CFHR4: variants seen among roughly 807,000 people sequenced by gnomAD.
CFHR4 encodes the protein complement factor H-related protein 4.
Under a neutral mutation model 69.3 loss-of-function variants are expected in CFHR4, and 64 were observed. The observed-to-expected ratio is 0.92, with a 90% CI of 0.76 to 1.14. The LOEUF (loss-of-function observed/expected upper bound fraction) is 1.14. Ranked by LOEUF, CFHR4 falls within the 50% of genes most tolerant of loss-of-function variation. The probability of loss-of-function intolerance (pLI) is 0.00; values close to 1 mark genes in which losing one functional copy is unlikely to be tolerated. For synonymous variants in CFHR4, 244 were observed against 237.0 expected, an observed-to-expected ratio of 1.03 and a Z score of -0.27; for missense variants, 636 against 684.9, an observed-to-expected ratio of 0.93 and a Z score of 0.80.
At position 196,910,335 on chromosome 1, in the gene CFHR4, A is replaced by T; in HGVS notation, c.854A>T (p.Asn285Ile). ...CAACATGGACATCTATATTATGAGA[A>T]TACGCGTAGACCATACTTTCCAGTA... ...EIQHGHLYYE[N>I]TRRPYFPVAT... Residue 285 changes from asparagine (N) to isoleucine (I), a missense_variant, in exon 6 of 10, where the codon AAT becomes ATT. Asn to Ile is a moderately radical substitution (Grantham distance 149). Around this residue, in one of 3 missense-constraint regions of CFHR4, gnomAD observed 529 missense variants for 533.2 expected, o/e 0.99. Transcript: ENST00000608469. 1 of 1,611,298 alleles carries T rather than the reference A, an allele frequency of 6.2e-7. No homozygotes were observed. The highest frequency in any genetic ancestry group is 1.1e-5 in the South Asian group (1 of 90,818).
chr1:196,897,375 C>T (rs1657358317), intron 1 of CFHR4, among the ~76,000 whole-genome samples: 1 of 151,542 alleles, frequency 6.6e-6, no homozygotes, highest in Non-Finnish European at 1.5e-5. Context: ...GATTTGCTGT[C>T]TGCAGACGGC....
In CFHR4 at chr1:196,910,445, C is replaced by G. The variant is rs751607261; in HGVS notation, c.964C>G (p.Gln322Glu). The change falls in exon 6 of 10, where the codon CAA (glutamine) becomes GAA (glutamate). Residue 322 changes from glutamine to glutamate, a missense_variant. Coordinates refer to ENST00000608469, the MANE Select transcript of CFHR4 (RefSeq NM_001201550.3). ...TTACTGGGATTACATTCACTGCACA[C>G]AAGATGGGTGGTTGCCAACAGTCCC... Reference protein sequence around the residue: ...GSYWDYIHCTQDGWLPTVPCL... With the variant: ...GSYWDYIHCTEDGWLPTVPCL... 1.2e-6 allele frequency: 2 copies of G among 1,612,778 alleles called. No individual in the cohort carries two copies. Among genetic ancestry groups the G allele is most frequent in the South Asian group, 1.1e-5 (1 of 91,042 alleles).
In CFHR4 at chr1:196,899,233, A is replaced by G. The variant is rs114475757; in HGVS notation, c.59-3185A>G. ...TACAAACATATTCTTTTTTTTTTCT[A>G]TCTTGCAGTGCATTGTAAAGGTGAA... On this transcript the variant is annotated intron_variant, in intron 1 of 9. Coordinates refer to ENST00000608469, the MANE Select transcript of CFHR4 (RefSeq NM_001201550.3). 9.2e-3 allele frequency among the ~76,000 whole-genome samples: 1,364 copies of G among 148,562 alleles called. 68 individuals carry two copies. Among genetic ancestry groups the G allele is most frequent in the African/African-American group, 0.032 (1,298 of 40,104 alleles).
intron 3 of CFHR4, 111 bp downstream of exon 3, chr1:196,905,401 A>G: frequency 7.0e-7 from 1 of 1,422,416 alleles, no homozygotes; most frequent in South Asian, 1.3e-5. Flanking sequence ...AAAGAGATAT[A>G]AATACTTCTA....
intron 4 of CFHR4, 45 bp from the exon 5 acceptor site, chr1:196,907,271 A>G (rs749493363): frequency 1.3e-6 from 2 of 1,522,624 alleles, no homozygotes; most frequent in East Asian, 2.3e-5. Context: ...GAAAGTTTCC[A>G]ATAAAACTGT....
In CFHR4 at chr1:196,914,668, T is replaced by C; in HGVS notation, c.1354T>C (p.Tyr452His). The C allele has an allele frequency of 6.3e-7, 1 of 1,593,792 alleles. No individual in the cohort carries two copies. The highest frequency in any genetic ancestry group is 1.2e-5 in the South Asian group (1 of 85,978). Residue 452 changes from tyrosine to histidine, a missense_variant, in exon 8 of 10, where the codon TAT (tyrosine) becomes CAT (histidine). Physicochemically the swap from Tyr to His is moderately conservative, Grantham distance 83. This residue lies in a region of CFHR4 where 529 missense variants were observed against 533.2 expected (regional missense o/e 0.99). Coordinates refer to ENST00000608469, the MANE Select transcript of CFHR4 (RefSeq NM_001201550.3). ...EDGWSHFPTC[Y>H]NSSEKCGPPP... is the part of the protein sequence containing the mutation. ...TGGGTGGTCCCATTTCCCAACATGT[T>C]ATAGTAAGTATTTTATTCAAGTATT...
intron 7 of CFHR4, among the ~76,000 whole-genome samples, chr1:196,913,611 G>A (rs191570477): frequency 0.018 from 2,679 of 151,332 alleles, 141 homozygotes; most frequent in African/African-American, 0.06. Flanking sequence ...AGTGGCAAAA[G>A]TTGATTTTTT....
chr1:196,906,369 C>G (rs560494725), intron 3 of CFHR4, among the ~76,000 whole-genome samples: 1 of 151,422 alleles, frequency 6.6e-6, no homozygotes, highest in African/African-American at 2.4e-5. Context: ...TCTGATTTGA[C>G]CAGCTTTGAT....
chr1:196,909,375 T>G (rs1658112798), intron 5 of CFHR4, among the ~76,000 whole-genome samples: 1 of 151,546 alleles, frequency 6.6e-6, no homozygotes, highest in African/African-American at 2.4e-5. Context: ...TATGGCATAT[T>G]AAAGTAATAA....
At chr1:196,903,583 G>T (rs1166933572) in intron 2 of CFHR4, among the ~76,000 whole-genome samples, 1 of 150,944 alleles carries the variant, frequency 6.6e-6, no homozygotes, top group Non-Finnish European at 1.5e-5. Context: ...AACCAGGGAG[G>T]CGGAGGTTGC....
At position 196,918,508 on chromosome 1, in the gene CFHR4, T is replaced by A. The variant is rs1193778031; in HGVS notation, c.*102T>A. The A allele has an allele frequency of 8.5e-7, 1 of 1,180,246 alleles. No individual in the cohort carries two copies. Among genetic ancestry groups the A allele is most frequent in the East Asian group, 2.5e-5 (1 of 40,158 alleles). The allele number at this position is 1,180,246 out of a possible 1,614,324, so 73.1% of individuals were successfully genotyped here. The stretch of plus-strand genomic sequence containing the variant: ...TCTGATATTGTTGTAATTTCTACTT[T>A]ATTTCAAAGAAAATTAATATAATAG... On this transcript the variant is annotated 3_prime_UTR_variant, in exon 10 of 10. Coordinates refer to ENST00000608469, the MANE Select transcript of CFHR4 (RefSeq NM_001201550.3).
intron 7 of CFHR4, among the ~76,000 whole-genome samples, chr1:196,913,293 A>T (rs1425333685): frequency 6.6e-6 from 1 of 151,522 alleles, no homozygotes; most frequent in African/African-American, 2.4e-5. Context: ...TTCCTTGCTC[A>T]CACTCAGAAA....
Position 196,902,522 on chromosome 1 carries a change from T to C in CFHR4, c.163T>C (p.Tyr55His), listed in dbSNP as rs761471251. ...AGCTGCAGGACAATCTTATTCCTAT[T>C]ACTGTGATCAAAATTTTGTGACTCC... ...PAAAGQSYSY[Y>H]CDQNFVTPSG... The change falls in exon 2 of 10, where the codon TAC becomes CAC. Residue 55 changes from tyrosine to histidine, a missense_variant. This residue lies in a region of CFHR4 where 529 missense variants were observed against 533.2 expected (regional missense o/e 0.99). Coordinates refer to ENST00000608469, the MANE Select transcript of CFHR4 (RefSeq NM_001201550.3). 1.2e-6 allele frequency: 2 copies of C among 1,611,356 alleles called. No individual in the cohort carries two copies. Among genetic ancestry groups the C allele is most frequent in the South Asian group, 1.1e-5 (1 of 91,008 alleles).
chr1:196,902,305 C>T (rs1657658367), intron 1 of CFHR4, 113 bp from the exon 2 acceptor site: 1 of 750,224 alleles, frequency 1.3e-6, no homozygotes, highest in Non-Finnish European at 2.1e-6. Context: ...TGCCCTAAAA[C>T]CCCTAATTCA....
At chr1:196,910,107 G>A (rs375197314) in intron 5 of CFHR4, among the ~76,000 whole-genome samples, 174 bp from the exon 6 acceptor site, 42 of 142,458 alleles carry the variant, frequency 2.9e-4, no homozygotes, top group African/African-American at 1.0e-3. Flanking sequence ...AGCAGTGATC[G>A]CACCACTGCA....
rs60696846 is a variant in CFHR4 at position 196,906,470 on chromosome 1, C to CCTTA, written c.440-389_440-388insTACT. Among the ~76,000 whole-genome samples the CCTTA allele has an allele frequency of 8.5e-3, 1,288 of 151,140 alleles. 55 individuals carry two copies. The highest frequency in any genetic ancestry group is 0.03 in the African/African-American group (1,231 of 41,008). On this transcript the variant is annotated intron_variant, in intron 3 of 9. Coordinates refer to ENST00000608469, the MANE Select transcript of CFHR4 (RefSeq NM_001201550.3). ...TATAATTTTAATCCAACTTATAAAC[C>CCTTA]CTGTCAGTAAACTGAGTACATAAAT...
intron 1 of CFHR4, among the ~76,000 whole-genome samples, chr1:196,901,149 CA>C (rs1325792638): frequency 1.7e-4 from 25 of 151,082 alleles, no homozygotes. Context: ...AGCTAAGCTT[CA>C]AAAACAGCAC....
chr1:196,898,851 TAGG>T lies in CFHR4; in HGVS notation c.59-3563_59-3561del, dbSNP rs1473831331. Among the ~76,000 whole-genome samples, 50 of 151,532 alleles carry T rather than the reference TAGG, an allele frequency of 3.3e-4. 1 individual carries two copies. The highest frequency in any genetic ancestry group is 1.1e-3 in the African/African-American group (47 of 41,112). ...CATGGCTCACTCACACAGATTTTGG[TAGG>T]AGGTCCCAGTACCTTACCACATTGT... On this transcript the variant is annotated intron_variant, in intron 1 of 9. Coordinates refer to ENST00000608469, the MANE Select transcript of CFHR4 (RefSeq NM_001201550.3).
At chr1:196,899,368 G>A (rs1287566864) in intron 1 of CFHR4, among the ~76,000 whole-genome samples, 1 of 151,534 alleles carries the variant, frequency 6.6e-6, no homozygotes, top group African/African-American at 2.4e-5. Flanking sequence ...AGTATACGTC[G>A]CTGCAATCTT....
Sources: allele counts gnomAD v4.1 joint callset (sites outside exome capture counted in the v4.1 genomes callset), GRCh38; gene constraint gnomAD v4.1.1; regional missense constraint gnomAD v4.1.1; transcripts MANE v1.5; gene names NCBI Gene and HGNC (gene_info 2026-07-23, HGNC 2026-07-21).